TARS1: variants seen among roughly 807,000 people sequenced by gnomAD.
TARS1 encodes threonyl-tRNA synthetase 1.
A neutral mutation model predicts 97.7 loss-of-function variants in TARS1; 57 were observed. The ratio of observed to expected loss-of-function variants is 0.58; its 90% CI spans 0.47 to 0.73. The LOEUF (loss-of-function observed/expected upper bound fraction) is 0.73, where lower values mean the gene tolerates loss of function less well. Ranked by LOEUF, TARS1 falls within the 30% of genes least tolerant of loss-of-function variation. The probability of loss-of-function intolerance (pLI) is 0.00; values close to 1 mark genes in which losing one functional copy is unlikely to be tolerated. For synonymous variants in TARS1, 312 were observed against 293.7 expected (o/e 1.06, Z -0.64); for missense variants, 806 against 888.3 (o/e 0.91, Z 1.18).
chr5:33,466,949 C>A lies in TARS1; in HGVS notation c.1987C>A (p.Arg663=). The change falls in exon 18 of 19, where the codon CGA becomes AGA. Residue 663 remains arginine, a synonymous_variant. Coordinates refer to ENST00000265112, the MANE Select transcript of TARS1 (RefSeq NM_152295.5). ...DPGCTLNKKI[R]NAQLAQYNFI... is the part of the protein sequence containing the mutation. ...AGGCTGTACATTGAATAAAAAGATT[C>A]GAAATGCACAGTTAGCACAGTATAA... 6.2e-7 allele frequency: 1 copy of A among 1,605,426 alleles called. No individual in the cohort carries two copies. The highest frequency in any genetic ancestry group is 8.5e-7 in the Non-Finnish European group (1 of 1,176,236).
chr5:33,457,476 A>C, intron 9 of TARS1, 73 bp downstream of exon 9: 1 of 1,537,512 alleles, frequency 6.5e-7, no homozygotes, highest in South Asian at 1.2e-5. Context: ...ATTCAGCTGC[A>C]TGAAGTACTA....
At position 33,458,572 on chromosome 5, in the gene TARS1, G is replaced by C; in HGVS notation, c.991G>C (p.Glu331Gln). 6.2e-7 allele frequency: 1 copy of C among 1,612,712 alleles called. No homozygotes were observed. Among genetic ancestry groups the C allele is most frequent in the Non-Finnish European group, 8.5e-7 (1 of 1,179,502 alleles). The stretch of plus-strand genomic sequence containing the variant: ...TTGCTTTTCTTTTACCCAGGACCAA[G>C]AACTATATTTCTTTCATGAACTCAG... ...RDHRKIGRDQ[E>Q]LYFFHELSPG... Residue 331 changes from glutamate (E) to glutamine (Q), a missense_variant, in exon 10 of 19, where the codon GAA (glutamate) becomes CAA (glutamine). Glu to Gln is a conservative substitution (Grantham distance 29). Transcript: ENST00000265112.
rs1210058630 is a variant in TARS1, at chr5:33,467,818, A to G, written c.*110A>G. The G allele has an allele frequency of 7.8e-7, 1 of 1,288,444 alleles. No individual in the cohort carries two copies. Among genetic ancestry groups the G allele is most frequent in the Non-Finnish European group, 1.0e-6 (1 of 959,676 alleles). 79.8% of individuals were successfully genotyped at this position (1,288,444 alleles called of 1,614,324 possible). A position where few individuals can be genotyped will look rare whatever the true frequency, so the allele number is the denominator to read the frequency against. ...TATATTGAACTTGGAGGAGTTTGGC[A>G]AAGTCTGAATAGGTCAACCTGCAGG... On this transcript the variant is annotated 3_prime_UTR_variant, in exon 19 of 19. Coordinates refer to ENST00000265112, the MANE Select transcript of TARS1 (RefSeq NM_152295.5).
upstream of TARS1, chr5:33,440,801 T>A (rs1279661699): frequency 1.9e-6 from 1 of 536,614 alleles, no homozygotes; most frequent in East Asian, 3.0e-5. Flanking sequence ...GGCATGTAGC[T>A]TCTGCAGTTG....
At position 33,467,587 on chromosome 5, in the gene TARS1, G is replaced by C. The variant is rs1364430061; in HGVS notation, c.2051G>C (p.Gly684Ala). Residue 684 changes from glycine (G) to alanine (A), a missense_variant, in exon 19 of 19, where the codon GGC (glycine) becomes GCC (alanine). This residue lies in a region of TARS1 where 446 missense variants were observed against 511.0 expected (regional missense o/e 0.87). Coordinates refer to ENST00000265112, the MANE Select transcript of TARS1 (RefSeq NM_152295.5). ...GTTGGTGAAAAAGAGAAAATCAGTG[G>C]CACTGTTAATATCCGCACAAGAGAC... ...LVVGEKEKISGTVNIRTRDNK... is the reference protein window; with the variant it reads ...LVVGEKEKISATVNIRTRDNK... 6.2e-7 allele frequency: 1 copy of C among 1,610,490 alleles called. No homozygotes were observed. Among genetic ancestry groups the C allele is most frequent in the East Asian group, 2.2e-5 (1 of 44,742 alleles).
intron 3 of TARS1, among the ~76,000 whole-genome samples, chr5:33,451,531 C>T (rs866128517): frequency 7.9e-5 from 12 of 152,178 alleles, no homozygotes; most frequent in Middle Eastern, 3.4e-3. Context: ...CCCGCCACCA[C>T]GCCTGCCTAA....
intron 1 of TARS1, among the ~76,000 whole-genome samples, chr5:33,444,478 A>G (rs1312799814): frequency 6.6e-6 from 1 of 152,250 alleles, no homozygotes; most frequent in East Asian, 1.9e-4. Flanking sequence ...CCCTGTTTAC[A>G]TTCCTGGCAC....
At chr5:33,445,284 C>A in intron 1 of TARS1, 40 bp from the exon 2 acceptor site, 1 of 1,509,556 alleles carries the variant, frequency 6.6e-7, no homozygotes, top group South Asian at 1.2e-5. Flanking sequence ...ATGGAGGTGT[C>A]ACATTAGATT....
chr5:33,466,703 A>G, intron 17 of TARS1, 168 bp from the exon 18 acceptor site: 1 of 427,268 alleles, frequency 2.3e-6, no homozygotes. Context: ...GGCCTTTTTG[A>G]GGGGGGAATA....
Position 33,467,744 on chromosome 5 carries a change from A to C in TARS1, c.*36A>C. 1.9e-6 allele frequency: 3 copies of C among 1,586,320 alleles called. No homozygotes were observed. Among genetic ancestry groups the C allele is most frequent in the Non-Finnish European group, 2.6e-6 (3 of 1,168,762 alleles). On this transcript the variant is annotated 3_prime_UTR_variant, in exon 19 of 19. Transcript: ENST00000265112. ...ACCCAGATTGGCTCCATGGAAAAGG[A>C]GGAACAGCGTTTCCGTAAAATTGAC... is the stretch of plus-strand genomic sequence containing the variant.
intron 2 of TARS1, among the ~76,000 whole-genome samples, chr5:33,447,869 T>C (rs1178442953): frequency 1.3e-5 from 2 of 152,254 alleles, no homozygotes; most frequent in Non-Finnish European, 2.9e-5. Context: ...AAATGTTCCA[T>C]AGATTATAGA....
intron 17 of TARS1, 133 bp downstream of exon 17, chr5:33,463,958 A>G (rs1198976414): frequency 2.7e-6 from 2 of 727,406 alleles, no homozygotes; most frequent in Non-Finnish European, 4.6e-6. Context: ...ATCTTTGTTA[A>G]GCCTGAATAG....
intron 2 of TARS1, among the ~76,000 whole-genome samples, chr5:33,447,966 T>C (rs1335945028): frequency 6.6e-6 from 1 of 152,240 alleles, no homozygotes; most frequent in Admixed American, 6.5e-5. Flanking sequence ...GTGTTTTATA[T>C]AGAATATTTT....
Position 33,455,003 on chromosome 5 carries a change from G to T in TARS1, c.512G>T (p.Gly171Val). The T allele has an allele frequency of 6.2e-7, 1 of 1,613,844 alleles. No homozygotes were observed. Among genetic ancestry groups the T allele is most frequent in the Non-Finnish European group, 8.5e-7 (1 of 1,179,896 alleles). ...GAAGCCATGGAAAGAGTCTATGGTGGATGTTTATGCTACGGTCCGCCAATA... is the reference window on the plus strand; with the variant it reads ...GAAGCCATGGAAAGAGTCTATGGTGTATGTTTATGCTACGGTCCGCCAATA... Reference protein sequence around the residue: ...MGEAMERVYGGCLCYGPPIEN... With the variant: ...MGEAMERVYGVCLCYGPPIEN... Residue 171 changes from glycine (G) to valine (V), a missense_variant, in exon 5 of 19, where the codon GGA becomes GTA. Physicochemically the swap from Gly to Val is moderately radical, Grantham distance 109. Transcript: ENST00000265112.
At chr5:33,447,963 A>G (rs1383207178) in intron 2 of TARS1, among the ~76,000 whole-genome samples, 1 of 152,200 alleles carries the variant, frequency 6.6e-6, no homozygotes, top group Non-Finnish European at 1.5e-5. Flanking sequence ...TGGGTGTTTT[A>G]TATAGAATAT....
At position 33,457,296 on chromosome 5, in the gene TARS1, A is replaced by T; in HGVS notation, c.877A>T (p.Thr293Ser). ...CTGGGAAGGCAAAGCAGATATGGAGACTCTCCAGAGAATTTATGGCATTTC... is the reference window on the plus strand; with the variant it reads ...CTGGGAAGGCAAAGCAGATATGGAGTCTCTCCAGAGAATTTATGGCATTTC... ...TYWEGKADMETLQRIYGISFP... is the reference protein window; with the variant it reads ...TYWEGKADMESLQRIYGISFP... The change falls in exon 9 of 19, where the codon ACT becomes TCT. Residue 293 changes from threonine to serine, a missense_variant. By Grantham distance (58) the Thr-to-Ser change is moderately conservative. Transcript: ENST00000265112. The T allele has an allele frequency of 1.2e-6, 2 of 1,614,076 alleles. No individual in the cohort carries two copies. Among genetic ancestry groups the T allele is most frequent in the Non-Finnish European group, 1.7e-6 (2 of 1,180,000 alleles).
chr5:33,466,055 A>C (rs1367301667), intron 17 of TARS1: 3 of 152,214 alleles, frequency 2.0e-5, no homozygotes, highest in African/African-American at 7.2e-5. Flanking sequence ...GCTAGTAGAC[A>C]GTGTAACTTC....
chr5:33,463,118 C>G (rs943253283), intron 16 of TARS1, among the ~76,000 whole-genome samples: 1 of 152,168 alleles, frequency 6.6e-6, no homozygotes, highest in Non-Finnish European at 1.5e-5. Context: ...CCTACTTTAG[C>G]CTTTTGCCTG....
chr5:33,451,109 G>A (rs144469175), intron 3 of TARS1, among the ~76,000 whole-genome samples: 122 of 152,138 alleles, frequency 8.0e-4, no homozygotes, highest in African/African-American at 2.7e-3. Flanking sequence ...GCGAGAGTCC[G>A]TCTCCAGGGA....
Sources: allele counts gnomAD v4.1 joint callset (sites outside exome capture counted in the v4.1 genomes callset), GRCh38; gene constraint gnomAD v4.1.1; regional missense constraint gnomAD v4.1.1; transcripts MANE v1.5; gene names NCBI Gene and HGNC (gene_info 2026-07-23, HGNC 2026-07-21).